Variants in ANK2 observed in about 807,000 individuals in gnomAD.
ANK2 encodes the protein ankyrin-2.
A neutral mutation model predicts 360.5 loss-of-function variants in ANK2; 83 were observed. The observed-to-expected ratio is 0.23, with a 90% CI of 0.19 to 0.28. The LOEUF (loss-of-function observed/expected upper bound fraction) is 0.28. ANK2 is among the 10% of genes least tolerant of loss of function. ANK2 has a pLI of 1.00. For synonymous variants in ANK2, 1,740 were observed against 1,759.5 expected (o/e 0.99, Z 0.28); for missense variants, 4,201 against 4,795.7 (o/e 0.88, Z 3.66).
chr4:113,330,143 A>C, intron 26 of ANK2, 103 bp from the exon 27 acceptor site: 1 of 1,144,700 alleles, frequency 8.7e-7, no homozygotes, highest in Non-Finnish European at 1.3e-6. Flanking sequence ...TAAATAAAAA[A>C]GAGAGATTTT....
At chr4:112,947,639 GGCTTGAGTTCACA>G (rs1694460980) in intron 2 of ANK2, among the ~76,000 whole-genome samples, 1 of 152,180 alleles carries the variant, frequency 6.6e-6, no homozygotes, top group African/African-American at 2.4e-5. Context: ...CTGTTCCTTA[GGCTTGAGTTCACA>G]GCCAGGTGTT....
At chr4:112,995,227 A>G (rs2048145342) in intron 2 of ANK2, among the ~76,000 whole-genome samples, 3 of 152,168 alleles carry the variant, frequency 2.0e-5, no homozygotes, top group African/African-American at 7.2e-5. Context: ...CATTCCCACT[A>G]ATAGTGTATG....
chr4:113,257,444 T>C (rs904033393), intron 11 of ANK2, among the ~76,000 whole-genome samples: 2 of 152,298 alleles, frequency 1.3e-5, no homozygotes, highest in Non-Finnish European at 2.9e-5. Context: ...CATTTCTTTA[T>C]ACAATAAAAT....
intron 28 of ANK2, 165 bp from the exon 29 acceptor site, chr4:113,332,889 C>T: frequency 1.1e-6 from 1 of 892,366 alleles, no homozygotes; most frequent in Non-Finnish European, 1.8e-6. Context: ...AGGTGGAGTG[C>T]TACTGTGTGA....
At chr4:112,834,352 A>G (rs2060533643) in intron 1 of ANK2, among the ~76,000 whole-genome samples, 1 of 152,192 alleles carries the variant, frequency 6.6e-6, no homozygotes, top group Non-Finnish European at 1.5e-5. Flanking sequence ...ATTTACTTTA[A>G]AATATATCAG....
At chr4:113,083,937 G>A (rs1341283549) in intron 1 of ANK2, among the ~76,000 whole-genome samples, 2 of 152,154 alleles carry the variant, frequency 1.3e-5, no homozygotes, top group African/African-American at 4.8e-5. Context: ...CACAAAACAT[G>A]CTTAAATTTT....
At chr4:113,184,538 TACAA>T (rs769999191) in intron 2 of ANK2, among the ~76,000 whole-genome samples, 11 of 152,250 alleles carry the variant, frequency 7.2e-5, no homozygotes, top group South Asian at 6.2e-4. Context: ...CAGTATGCAC[TACAA>T]ACACAGGTGG....
At chr4:112,909,982 C>T (rs111426024) in intron 2 of ANK2, among the ~76,000 whole-genome samples, 1,638 of 152,210 alleles carry the variant, frequency 0.011, 27 homozygotes, top group African/African-American at 0.038. Context: ...AAGGTTACAA[C>T]AGTAAAATTT....
intron 1 of ANK2, among the ~76,000 whole-genome samples, chr4:112,885,612 T>C (rs1350698254): frequency 6.6e-6 from 1 of 150,828 alleles, no homozygotes; most frequent in Non-Finnish European, 1.5e-5. Context: ...CTGGCTAACA[T>C]GGTGAAACCC....
intron 45 of ANK2, among the ~76,000 whole-genome samples, chr4:113,376,168 G>C (rs1233399949): frequency 1.2e-3 from 177 of 152,286 alleles, no homozygotes; most frequent in African/African-American, 3.9e-3. Flanking sequence ...TGCATCATTA[G>C]ACAACTTTGT....
intron 32 of ANK2, among the ~76,000 whole-genome samples, chr4:113,340,461 G>A (rs980121375): frequency 6.6e-6 from 1 of 152,194 alleles, no homozygotes; most frequent in Non-Finnish European, 1.5e-5. Context: ...GGGAGGCCAA[G>A]ACAGGTGGAT....
At chr4:112,933,815 A>G (rs2093482662) in intron 2 of ANK2, among the ~76,000 whole-genome samples, 1 of 152,146 alleles carries the variant, frequency 6.6e-6, no homozygotes, top group Non-Finnish European at 1.5e-5. Flanking sequence ...GGTCTAATTC[A>G]TATGAAAGAA....
At chr4:112,831,363 C>T (rs945408671) in intron 1 of ANK2, among the ~76,000 whole-genome samples, 39 of 152,194 alleles carry the variant, frequency 2.6e-4, no homozygotes, top group African/African-American at 7.9e-4. Context: ...GGTTTGTAAA[C>T]GCACCAATCA....
chr4:113,011,798 T>C (rs1482248382), intron 2 of ANK2, among the ~76,000 whole-genome samples: 3 of 152,122 alleles, frequency 2.0e-5, no homozygotes, highest in African/African-American at 7.2e-5. Flanking sequence ...AAAATAATTC[T>C]TTATGCCAAA....
At chr4:113,373,022 G>A (rs1310197153) in intron 43 of ANK2, 68 bp from the exon 44 acceptor site, 7 of 1,248,454 alleles carry the variant, frequency 5.6e-6, no homozygotes, top group African/African-American at 3.0e-5. Context: ...CACATTATAA[G>A]CACTTGGGAG....
chr4:113,162,474 G>A (rs1439418660), intron 1 of ANK2, among the ~76,000 whole-genome samples: 2 of 151,998 alleles, frequency 1.3e-5, no homozygotes, highest in African/African-American at 4.8e-5. Flanking sequence ...TGAATTTATA[G>A]TTTTCTCTAT....
intron 2 of ANK2, among the ~76,000 whole-genome samples, chr4:112,947,304 G>C (rs941030464): frequency 2.0e-5 from 3 of 152,138 alleles, no homozygotes; most frequent in African/African-American, 7.2e-5. Context: ...TTGGGATCCT[G>C]CTATCACCTA....
the ANK2 span, among the ~76,000 whole-genome samples, chr4:112,806,961 A>G: frequency 1.3e-5 from 2 of 152,154 alleles, no homozygotes; most frequent in Admixed American, 1.3e-4. Context: ...TCTTTGTTTA[A>G]GAGTGTGCTG....
intron 1 of ANK2, among the ~76,000 whole-genome samples, chr4:113,064,491 AC>A (rs1185050804): frequency 2.0e-5 from 3 of 152,094 alleles, no homozygotes; most frequent in African/African-American, 7.2e-5. Context: ...GCACATAGCC[AC>A]CTTTTGTTTT....
Sources: allele counts gnomAD v4.1 joint callset (sites outside exome capture counted in the v4.1 genomes callset), GRCh38; gene constraint gnomAD v4.1.1; transcripts MANE v1.5; gene names NCBI Gene and HGNC (gene_info 2026-07-23, HGNC 2026-07-21).